POLR3B: variants seen among roughly 807,000 people sequenced by gnomAD.
POLR3B encodes the protein DNA-directed RNA polymerase III subunit RPC2.
In POLR3B, 96 loss-of-function variants were observed where a neutral mutation model predicts 147.4. That is an observed-to-expected ratio of 0.65 (90% confidence interval 0.55 to 0.77). POLR3B has a LOEUF of 0.77. POLR3B is among the 30% of genes least tolerant of loss of function. POLR3B has a pLI of 0.00. For synonymous variants in POLR3B, 461 were observed against 485.9 expected (o/e 0.95, Z 0.67); for missense variants, 1,036 against 1,413.5 (o/e 0.73, Z 4.28).
intron 10 of POLR3B, among the ~76,000 whole-genome samples, chr12:106,403,109 A>G (rs2037093566): frequency 6.6e-6 from 1 of 151,778 alleles, no homozygotes; most frequent in African/African-American, 2.4e-5. Flanking sequence ...AAACAAATTT[A>G]CAAGAAAAAA....
intron 10 of POLR3B, among the ~76,000 whole-genome samples, chr12:106,400,979 G>T (rs1322313935): frequency 2.6e-5 from 4 of 152,118 alleles, no homozygotes; most frequent in Non-Finnish European, 4.4e-5. Flanking sequence ...TAATATCAGA[G>T]CAGAACTGAA....
At chr12:106,382,263 A>T (rs1471075706) in intron 9 of POLR3B, among the ~76,000 whole-genome samples, 2 of 152,162 alleles carry the variant, frequency 1.3e-5, no homozygotes, top group African/African-American at 4.8e-5. Flanking sequence ...CTTTTATAAG[A>T]CAACCCTAGT....
intron 24 of POLR3B, 66 bp downstream of exon 24, chr12:106,496,224 A>C (rs779696475): frequency 2.1e-6 from 2 of 975,594 alleles, no homozygotes; most frequent in African/African-American, 3.2e-5. Context: ...TAGTTTAGTT[A>C]GAGTGAGTGG....
At chr12:106,385,711 A>G (rs1175239002) in intron 9 of POLR3B, among the ~76,000 whole-genome samples, 2 of 152,308 alleles carry the variant, frequency 1.3e-5, no homozygotes, top group Non-Finnish European at 2.9e-5. Context: ...TATTGAATGG[A>G]CATTGACAAG....
chr12:106,405,579 C>CACACACACACAA (rs893279246), intron 10 of POLR3B, among the ~76,000 whole-genome samples: 2 of 145,120 alleles, frequency 1.4e-5, no homozygotes, highest in South Asian at 2.2e-4. Flanking sequence ...CACACACACA[C>CACACACACACAA]AAATATATTT....
At chr12:106,441,303 G>A (rs916976693) in intron 18 of POLR3B, among the ~76,000 whole-genome samples, 1 of 151,654 alleles carries the variant, frequency 6.6e-6, no homozygotes, top group African/African-American at 2.4e-5. Context: ...TTTGTTGTCA[G>A]GTGATTTCAT....
intron 6 of POLR3B, among the ~76,000 whole-genome samples, chr12:106,372,344 T>G (rs145288862): frequency 0.36 from 52,627 of 144,214 alleles, 10,974 homozygotes; most frequent in African/African-American, 0.58. Context: ...TTTTTTTTTT[T>G]TTTTTTTTTT....
intron 11 of POLR3B, among the ~76,000 whole-genome samples, chr12:106,409,673 G>GTT (rs60188511): frequency 4.2e-4 from 59 of 140,100 alleles, no homozygotes; most frequent in African/African-American, 1.4e-3. Context: ...ATGCTTGCTT[G>GTT]TTTTTTTTTT....
At chr12:106,388,737 C>T (rs533843124) in intron 9 of POLR3B, among the ~76,000 whole-genome samples, 1 of 152,190 alleles carries the variant, frequency 6.6e-6, no homozygotes, top group Non-Finnish European at 1.5e-5. Flanking sequence ...TTTAAAGAAA[C>T]ATTAGAGATT....
At chr12:106,387,041 A>G (rs1227079980) in intron 9 of POLR3B, among the ~76,000 whole-genome samples, 1 of 152,242 alleles carries the variant, frequency 6.6e-6, no homozygotes, top group Non-Finnish European at 1.5e-5. Flanking sequence ...AACAATATGC[A>G]TATTTATGTA....
chr12:106,403,798 C>T lies in POLR3B; in HGVS notation c.847-2059C>T, dbSNP rs1406883222. Among the ~76,000 whole-genome samples the T allele has an allele frequency of 7.9e-5, 8 of 101,120 alleles. 1 individual carries two copies. The highest frequency in any genetic ancestry group is 1.7e-4 in the African/African-American group (4 of 24,196). The allele number at this position is 101,120 out of a possible 152,430, so 66.3% of individuals were successfully genotyped here. A position where few individuals can be genotyped will look rare whatever the true frequency, so the allele number is the denominator to read the frequency against. ...ACACGGGGTGGGGAACATCACACAC[C>T]GGGGACTGTTGTGGGGTGGGGGGAG... On this transcript the variant is annotated intron_variant, in intron 10 of 27. Transcript: ENST00000228347.
chr12:106,459,108 C>A, intron 21 of POLR3B, 143 bp from the exon 22 acceptor site: 1 of 666,802 alleles, frequency 1.5e-6, no homozygotes, highest in Non-Finnish European at 2.8e-6. Flanking sequence ...CTCACTGCAG[C>A]CTCAACCTAG....
chr12:106,363,874 A>G lies in POLR3B; in HGVS notation c.77A>G (p.Lys26Arg). ...TCTTCTTGTTTTGGCTCACAGGAAAAATGGAGGCTGCTTCCAGCATTTTTA... is the reference window on the plus strand; with the variant it reads ...TCTTCTTGTTTTGGCTCACAGGAAAGATGGAGGCTGCTTCCAGCATTTTTA... ...LAAPIPTVEE[K>R]WRLLPAFLKV... The change falls in exon 2 of 28, where the codon AAA becomes AGA. Residue 26 changes from lysine to arginine, a missense_variant. By Grantham distance (26) the Lys-to-Arg change is conservative. This residue lies in a region of POLR3B where 150 missense variants were observed against 145.5 expected (regional missense o/e 1.03). Transcript: ENST00000228347. The G allele has an allele frequency of 6.2e-7, 1 of 1,608,348 alleles. No homozygotes were observed. Among genetic ancestry groups the G allele is most frequent in the South Asian group, 1.1e-5 (1 of 90,668 alleles).
chr12:106,379,062 C>G (rs1310044231), intron 8 of POLR3B, among the ~76,000 whole-genome samples: 1 of 152,182 alleles, frequency 6.6e-6, no homozygotes, highest in Admixed American at 6.5e-5. Flanking sequence ...GGAGAGGCAG[C>G]TAACAGTAAT....
At chr12:106,397,085 A>G (rs2036988730) in intron 10 of POLR3B, among the ~76,000 whole-genome samples, 1 of 151,470 alleles carries the variant, frequency 6.6e-6, no homozygotes, top group African/African-American at 2.4e-5. Flanking sequence ...ACATCACACC[A>G]CTGTACTCCA....
chr12:106,453,456 C>T (rs1490670292), intron 19 of POLR3B, among the ~76,000 whole-genome samples: 2 of 151,868 alleles, frequency 1.3e-5, no homozygotes, highest in African/African-American at 4.8e-5. Flanking sequence ...TTAGGTACTT[C>T]GGAGTGTGTG....
chr12:106,502,113 AG>A (rs2038611954), intron 26 of POLR3B, among the ~76,000 whole-genome samples: 1 of 152,172 alleles, frequency 6.6e-6, no homozygotes, highest in Admixed American at 6.5e-5. Flanking sequence ...TTTGCCTCCC[AG>A]GGGACATTTA....
chr12:106,502,495 A>G (rs1315548074), intron 26 of POLR3B, among the ~76,000 whole-genome samples: 1 of 152,152 alleles, frequency 6.6e-6, no homozygotes, highest in Non-Finnish European at 1.5e-5. Context: ...GAATGTGTAC[A>G]GCACCCATCC....
At chr12:106,358,631 A>G (rs748499491) in intron 1 of POLR3B, among the ~76,000 whole-genome samples, 30 of 152,292 alleles carry the variant, frequency 2.0e-4, no homozygotes, top group South Asian at 4.1e-4. Flanking sequence ...ACTGACGTGG[A>G]ATAGGGAAGT....
Sources: gnomAD v4.1 joint callset for allele counts (sites outside exome capture counted in the v4.1 genomes callset) on GRCh38, gnomAD v4.1.1 for gene constraint, gnomAD v4.1.1 regional missense constraint, MANE v1.5 for transcripts, NCBI Gene and HGNC (gene_info 2026-07-23, HGNC 2026-07-21) for gene names.